Variants in RBFOX1 observed in about 807,000 individuals in gnomAD.
The protein encoded by RBFOX1 is RNA binding fox-1 homolog 1, also known as RNA binding protein fox-1 homolog 1.
RBFOX1 carries 8 observed loss-of-function variants against 57.7 expected under a neutral mutation model. The observed-to-expected ratio is 0.14, with a 90% CI of 0.08 to 0.25. The LOEUF is 0.25. Ranked by LOEUF, RBFOX1 falls within the 10% of genes least tolerant of loss-of-function variation. RBFOX1 has a pLI of 1.00. For synonymous variants in RBFOX1, 326 were observed against 222.4 expected (o/e 1.47, Z -4.15); for missense variants, 611 against 548.5 (o/e 1.11, Z -1.14).
At chr16:6,687,202 G>A (rs1270690360) in intron 3 of RBFOX1, among the ~76,000 whole-genome samples, 1 of 152,056 alleles carries the variant, frequency 6.6e-6, no homozygotes, top group East Asian at 1.9e-4. Context: ...AGTAAATACC[G>A]TATGTTCTGA....
At position 6,801,199 on chromosome 16, in the gene RBFOX1, C is replaced by CA. The variant is rs200091675; in HGVS notation, c.-16+146567dup. On this transcript the variant is annotated intron_variant, in intron 3 of 15. Transcript: ENST00000550418. Reference sequence around the variant, plus strand: ...ATGGCAAGAATCAAGATTGAACATGCAAAAAAAAAAAAAAAAAAGTAACGT... The same window carrying CA: ...ATGGCAAGAATCAAGATTGAACATGCAAAAAAAAAAAAAAAAAAAGTAACGT... Among the ~76,000 whole-genome samples the CA allele has an allele frequency of 5.2e-3, 478 of 91,514 alleles. 5 individuals carry two copies. Among genetic ancestry groups the CA allele is most frequent in the South Asian group, 0.023 (69 of 2,956 alleles). 60.0% of individuals were successfully genotyped at this position (91,514 alleles called of 152,430 possible). A position where few individuals can be genotyped will look rare whatever the true frequency, so the allele number is the denominator to read the frequency against.
rs140697271 is a variant in RBFOX1 at position 6,636,159 on chromosome 16, G to C, written c.-63-18444G>C. Among the ~76,000 whole-genome samples the C allele has an allele frequency of 3.9e-4, 59 of 152,158 alleles. No individual in the cohort carries two copies. The East Asian group carries it at 8.9e-3, about 23-fold the overall frequency. On this transcript the variant is annotated intron_variant, in intron 2 of 15. Coordinates refer to ENST00000550418, the MANE Select transcript of RBFOX1 (RefSeq NM_018723.4). ...GCAGTCAGACAGTTTTGGATTTGGGGGCACTTGGATTTGGGATTTTTTCTT... is the reference window on the plus strand; with the variant it reads ...GCAGTCAGACAGTTTTGGATTTGGGCGCACTTGGATTTGGGATTTTTTCTT...
chr16:6,816,461 G>A lies in RBFOX1; in HGVS notation c.-16+161811G>A, dbSNP rs180729980. Among the ~76,000 whole-genome samples, 336 of 150,466 alleles carry A rather than the reference G, an allele frequency of 2.2e-3. 4 individuals carry two copies. The highest frequency in any genetic ancestry group is 0.02 in the Admixed American group (303 of 15,100). On this transcript the variant is annotated intron_variant, in intron 3 of 15. Coordinates refer to ENST00000550418, the MANE Select transcript of RBFOX1 (RefSeq NM_018723.4). ...TTTTTAAAGAAACAGGGTCTTGTTG[G>A]CCGGGTGTGGTGGCTTATGCCTGTA...
chr16:6,026,209 G>A (rs2095190855), intron 1 of RBFOX1, among the ~76,000 whole-genome samples: 1 of 152,186 alleles, frequency 6.6e-6, no homozygotes, highest in African/African-American at 2.4e-5. Context: ...TCCACTCCAT[G>A]GTCAACTGCA....
At chr16:6,696,142 G>A (rs952160222) in intron 3 of RBFOX1, among the ~76,000 whole-genome samples, 11 of 152,158 alleles carry the variant, frequency 7.2e-5, no homozygotes, top group African/African-American at 1.4e-4. Context: ...CCTATACTGC[G>A]TGTTTTTGTA....
At chr16:6,352,756 C>G (rs1452021708) in intron 2 of RBFOX1, among the ~76,000 whole-genome samples, 1 of 152,178 alleles carries the variant, frequency 6.6e-6, no homozygotes, top group Admixed American at 6.5e-5. Context: ...TCCATTAACT[C>G]ACGAAGCTGC....
chr16:7,001,169 C>T (rs1439484393), intron 3 of RBFOX1, among the ~76,000 whole-genome samples: 1 of 152,130 alleles, frequency 6.6e-6, no homozygotes, highest in Non-Finnish European at 1.5e-5. Context: ...AGTTTGCTTG[C>T]ATATTCCAAA....
chr16:7,510,999 A>C (rs2074936393), intron 4 of RBFOX1, among the ~76,000 whole-genome samples: 1 of 152,160 alleles, frequency 6.6e-6, no homozygotes, highest in African/African-American at 2.4e-5. Flanking sequence ...GCAGAAAGGG[A>C]GGGTGTGCTC....
intron 4 of RBFOX1, among the ~76,000 whole-genome samples, chr16:7,479,036 GAATCCACAAACAGGAA>G (rs1330403413): frequency 5.3e-5 from 8 of 151,854 alleles, no homozygotes; most frequent in African/African-American, 1.7e-4. Flanking sequence ...AGTTTATCCC[GAATCCACAAACAGGAA>G]AGTGGAGTCA....
chr16:6,901,169 G>T (rs1168310648), intron 3 of RBFOX1, among the ~76,000 whole-genome samples: 1 of 152,120 alleles, frequency 6.6e-6, no homozygotes, highest in Non-Finnish European at 1.5e-5. Context: ...CCATCCTAGT[G>T]TCTAACATAG....
rs565053017 is a variant in RBFOX1 at position 5,301,202 on chromosome 16, G to A, written c.219+61097G>A. On this transcript the variant is annotated intron_variant, in intron 1 of 2. Transcript: ENST00000585867. Reference sequence around the variant, plus strand: ...TGCTCTCCTATTTGCTTGTTCTAATGGAAGCCAGCTACCACCATGGAGAGG... The same window carrying A: ...TGCTCTCCTATTTGCTTGTTCTAATAGAAGCCAGCTACCACCATGGAGAGG... Among the ~76,000 whole-genome samples the A allele has an allele frequency of 3.9e-5, 6 of 152,284 alleles. No individual in the cohort carries two copies. In the South Asian group the frequency reaches 1.2e-3, roughly 32 times the overall value.
intron 4 of RBFOX1, among the ~76,000 whole-genome samples, chr16:7,114,827 T>G (rs1399458077): frequency 6.6e-6 from 1 of 152,160 alleles, no homozygotes; most frequent in Non-Finnish European, 1.5e-5. Flanking sequence ...CTGTAGTGGT[T>G]TTCATGAAGC....
chr16:5,922,138 G>A (rs1056623124), intron 4 of RBFOX1, among the ~76,000 whole-genome samples: 1 of 152,158 alleles, frequency 6.6e-6, no homozygotes, highest in African/African-American at 2.4e-5. Flanking sequence ...TCCAGCCTAG[G>A]CAACACAGCA....
intron 5 of RBFOX1, among the ~76,000 whole-genome samples, chr16:7,534,436 A>G (rs770252145): frequency 9.9e-5 from 15 of 152,008 alleles, no homozygotes; most frequent in Admixed American, 1.3e-4. Context: ...AATAGAGCCA[A>G]TGATTAACTA....
chr16:7,606,253 C>G (rs1235953192), intron 9 of RBFOX1, among the ~76,000 whole-genome samples: 2 of 151,632 alleles, frequency 1.3e-5, no homozygotes, highest in East Asian at 1.9e-4. Flanking sequence ...TCCCAAGTAG[C>G]TGGGATTACA....
chr16:6,904,114 C>G (rs1162335349), intron 3 of RBFOX1, among the ~76,000 whole-genome samples: 1 of 152,260 alleles, frequency 6.6e-6, no homozygotes, highest in South Asian at 2.1e-4. Flanking sequence ...ACCCCTATAC[C>G]TAATAGTGCA....
At chr16:6,864,849 T>C (rs2059625217) in intron 3 of RBFOX1, among the ~76,000 whole-genome samples, 1 of 152,072 alleles carries the variant, frequency 6.6e-6, no homozygotes, top group African/African-American at 2.4e-5. Flanking sequence ...TCCCTTTTTT[T>C]ATCTGAGGTC....
chr16:7,018,971 C>T (rs772663155), intron 3 of RBFOX1, among the ~76,000 whole-genome samples: 10 of 151,468 alleles, frequency 6.6e-5, no homozygotes, highest in Admixed American at 2.6e-4. Context: ...AATTAAAAAG[C>T]AATAAATAAA....
Position 6,956,638 on chromosome 16 carries a change from C to G in RBFOX1, c.-15-95419C>G, listed in dbSNP as rs149022118. Among the ~76,000 whole-genome samples, 418 of 152,288 alleles carry G rather than the reference C, an allele frequency of 2.7e-3. 4 individuals are homozygous for G. The highest frequency in any genetic ancestry group is 9.8e-3 in the African/African-American group (408 of 41,562). The stretch of plus-strand genomic sequence containing the variant: ...CCACAGCCCGTCTTCCCTTCTTGTG[C>G]CTGCTATTTGTGGCTGATGTTGCTC... On this transcript the variant is annotated intron_variant, in intron 3 of 15. Coordinates refer to ENST00000550418, the MANE Select transcript of RBFOX1 (RefSeq NM_018723.4).
Sources: gnomAD v4.1 joint callset for allele counts (sites outside exome capture counted in the v4.1 genomes callset) on GRCh38, gnomAD v4.1.1 for gene constraint, MANE v1.5 for transcripts, NCBI Gene and HGNC (gene_info 2026-07-23, HGNC 2026-07-21) for gene names.